Variants in NAALADL2 observed in about 807,000 individuals in gnomAD.
NAALADL2 encodes inactive N-acetylated-alpha-linked acidic dipeptidase-like protein 2.
In NAALADL2, 76 loss-of-function variants were observed where a neutral mutation model predicts 87.2. That is an observed-to-expected ratio of 0.87 (90% CI 0.72 to 1.05). NAALADL2 has a LOEUF of 1.05. Ranked by LOEUF, NAALADL2 falls within the 50% of genes least tolerant of loss-of-function variation. The probability of loss-of-function intolerance (pLI) is 0.00; values close to 1 mark genes in which losing one functional copy is unlikely to be tolerated. For synonymous variants in NAALADL2, 354 were observed against 331.0 expected, an observed-to-expected ratio of 1.07 and a Z score of -0.75; for missense variants, 1,089 against 945.8, an observed-to-expected ratio of 1.15 and a Z score of -1.99.
chr3:175,697,755 A>G (rs1738050636), intron 11 of NAALADL2, among the ~76,000 whole-genome samples: 1 of 147,884 alleles, frequency 6.8e-6, no homozygotes. Flanking sequence ...ACACACATGT[A>G]AATGTATGTA....
In NAALADL2 at chr3:174,797,766, G is replaced by A. The variant is rs372731970; in HGVS notation, c.-9+60020G>A. On this transcript the variant is annotated intron_variant, in intron 3 of 3. Coordinates refer to the NAALADL2 transcript ENST00000434257. ...AGAGAATTAAATTGCTGTTAGTTAA[G>A]CCAAATTATATCTGATAAGGTATGT... is the stretch of plus-strand genomic sequence containing the variant. Among the ~76,000 whole-genome samples the A allele has an allele frequency of 1.3e-5, 2 of 152,088 alleles. 1 individual carries two copies. Among genetic ancestry groups the A allele is most frequent in the African/African-American group, 4.8e-5 (2 of 41,402 alleles).
At chr3:175,050,081 C>T (rs1755176036) in intron 1 of NAALADL2, among the ~76,000 whole-genome samples, 1 of 151,942 alleles carries the variant, frequency 6.6e-6, no homozygotes, top group Admixed American at 6.6e-5. Context: ...ATAAATGGTC[C>T]CAGTCTAAGT....
chr3:175,206,308 A>ACACAG (rs1740890601), intron 2 of NAALADL2, among the ~76,000 whole-genome samples: 1 of 129,254 alleles, frequency 7.7e-6, no homozygotes, highest in Non-Finnish European at 1.5e-5. Context: ...ATATATATAT[A>ACACAG]TATACACATA....
chr3:174,832,823 C>G (rs1402283557), intron 3 of NAALADL2, among the ~76,000 whole-genome samples: 1 of 152,140 alleles, frequency 6.6e-6, no homozygotes, highest in Non-Finnish European at 1.5e-5. Flanking sequence ...CTAATTTGTT[C>G]AAGGTCATAC....
chr3:175,447,681 T>C (rs987644274), intron 6 of NAALADL2, among the ~76,000 whole-genome samples: 21 of 152,206 alleles, frequency 1.4e-4, no homozygotes, highest in Admixed American at 1.4e-3. Context: ...CTTCCCGGTT[T>C]CAGCTTCAGC....
chr3:174,942,457 C>A (rs1046920999), intron 1 of NAALADL2, among the ~76,000 whole-genome samples: 1 of 152,132 alleles, frequency 6.6e-6, no homozygotes, highest in African/African-American at 2.4e-5. Flanking sequence ...CTCTAGCTGC[C>A]TTTAACGTTC....
intron 5 of NAALADL2, among the ~76,000 whole-genome samples, chr3:175,438,174 C>G (rs1560550085): frequency 6.6e-6 from 1 of 151,978 alleles, no homozygotes; most frequent in African/African-American, 2.4e-5. Flanking sequence ...ATGCATAGCA[C>G]AAAGCATTTT....
chr3:175,550,238 G>A (rs911937744), intron 9 of NAALADL2, among the ~76,000 whole-genome samples: 2 of 152,078 alleles, frequency 1.3e-5, no homozygotes. Context: ...GTATTTGGGA[G>A]ACTCTGGAAA....
At chr3:175,588,985 C>T (rs1315638275) in intron 10 of NAALADL2, among the ~76,000 whole-genome samples, 1 of 152,126 alleles carries the variant, frequency 6.6e-6, no homozygotes, top group Non-Finnish European at 1.5e-5. Context: ...TGTTTTATAA[C>T]CCATAAATGG....
intron 2 of NAALADL2, among the ~76,000 whole-genome samples, chr3:175,141,124 C>A (rs1015075546): frequency 2.6e-5 from 4 of 152,044 alleles, no homozygotes; most frequent in Admixed American, 6.6e-5. Context: ...CACTACAAAG[C>A]TATGGAGAGT....
intron 1 of NAALADL2, among the ~76,000 whole-genome samples, chr3:174,963,685 T>A (rs2108572045): frequency 6.6e-6 from 1 of 152,260 alleles, no homozygotes; most frequent in East Asian, 1.9e-4. Context: ...TTGATATCAC[T>A]GTGTATGTGT....
intron 11 of NAALADL2, among the ~76,000 whole-genome samples, chr3:175,643,362 C>G (rs1341678421): frequency 6.6e-6 from 1 of 152,122 alleles, no homozygotes; most frequent in Admixed American, 6.5e-5. Context: ...GATATATATG[C>G]TGGAATGCAA....
rs1758689895 is a variant in NAALADL2 at position 175,313,816 on chromosome 3, G to A, written c.940-10359G>A. Among the ~76,000 whole-genome samples, 3 of 152,130 alleles carry A rather than the reference G, an allele frequency of 2.0e-5. No individual in the cohort carries two copies. The South Asian group carries it at 6.2e-4, about 31-fold the overall frequency. On this transcript the variant is annotated intron_variant, in intron 4 of 13. Coordinates refer to ENST00000454872, the MANE Select transcript of NAALADL2 (RefSeq NM_207015.3). ...ATGGTGGCTCACACCTGTAATCCCA[G>A]CACTTTGGGAGGCCTAGGCAGGTGG...
chr3:175,339,326 C>T (rs1762351075), intron 5 of NAALADL2, among the ~76,000 whole-genome samples: 1 of 152,138 alleles, frequency 6.6e-6, no homozygotes, highest in African/African-American at 2.4e-5. Context: ...TGAAAAGTTT[C>T]AAAGGTCCTA....
intron 2 of NAALADL2, among the ~76,000 whole-genome samples, chr3:174,650,069 A>G (rs1230266158): frequency 6.6e-6 from 1 of 152,054 alleles, no homozygotes; most frequent in African/African-American, 2.4e-5. Flanking sequence ...TATGATAACA[A>G]ATGTTTTACA....
At chr3:175,368,702 A>G (rs539058090) in intron 5 of NAALADL2, among the ~76,000 whole-genome samples, 79 of 152,122 alleles carry the variant, frequency 5.2e-4, no homozygotes, top group Non-Finnish European at 9.7e-4. Context: ...TTGAGAGAAC[A>G]TCATAGAGTG....
chr3:175,794,258 T>A (rs1753179157), intron 13 of NAALADL2, among the ~76,000 whole-genome samples: 2 of 152,082 alleles, frequency 1.3e-5, no homozygotes, highest in Admixed American at 1.3e-4. Context: ...AGATAATGAG[T>A]TCCAAATAAG....
At chr3:175,227,355 A>T (rs1744304645) in intron 2 of NAALADL2, among the ~76,000 whole-genome samples, 1 of 152,010 alleles carries the variant, frequency 6.6e-6, no homozygotes. Flanking sequence ...TGGAACATTA[A>T]TGCCAAAGTT....
chr3:174,655,496 C>T (rs1724821723), intron 2 of NAALADL2, among the ~76,000 whole-genome samples: 1 of 151,868 alleles, frequency 6.6e-6, no homozygotes, highest in African/African-American at 2.4e-5. Context: ...TGATTTTGAA[C>T]TTTTTCATGT....
Sources: allele counts gnomAD v4.1 joint callset (sites outside exome capture counted in the v4.1 genomes callset), GRCh38; gene constraint gnomAD v4.1.1; transcripts MANE v1.5; gene names NCBI Gene and HGNC (gene_info 2026-07-23, HGNC 2026-07-21).